The following HIVEP3 variants were observed in gnomAD, a reference collection of about 807,000 sequenced individuals.
HIVEP3 encodes the protein transcription factor HIVEP3.
HIVEP3 carries 49 observed loss-of-function variants against 152.8 expected under a neutral mutation model. The ratio of observed to expected loss-of-function variants is 0.32; its 90% CI spans 0.26 to 0.41. The LOEUF is 0.41. Among genes scored for constraint, HIVEP3 ranks in the 10% least tolerant of loss-of-function variants. HIVEP3 has a pLI of 1.00. For synonymous variants in HIVEP3, 1,269 were observed against 1,289.0 expected (o/e 0.98, Z 0.33); for missense variants, 2,790 against 3,103.3 (o/e 0.90, Z 2.40).
chr1:41,778,649 T>C (rs940819980), intron 1 of HIVEP3, among the ~76,000 whole-genome samples: 4 of 152,278 alleles, frequency 2.6e-5, no homozygotes, highest in Non-Finnish European at 5.9e-5. Context: ...ATAATGTTTA[T>C]TGGGCAGGAC....
At chr1:41,815,388 C>A (rs1352868516) in intron 1 of HIVEP3, among the ~76,000 whole-genome samples, 1 of 152,166 alleles carries the variant, frequency 6.6e-6, no homozygotes, top group African/African-American at 2.4e-5. Flanking sequence ...AAGAGGATGG[C>A]TTGAGCCAGG....
intron 1 of HIVEP3, among the ~76,000 whole-genome samples, chr1:41,953,126 T>C (rs543617747): frequency 1.2e-4 from 19 of 152,326 alleles, no homozygotes; most frequent in Middle Eastern, 3.4e-3. Context: ...TCCCTAGGCC[T>C]GCAATGATCT....
At position 41,607,368 on chromosome 1, in the gene HIVEP3, G is replaced by A. The variant is rs557091648; in HGVS notation, c.-522+21381C>T. 2.6e-5 allele frequency among the ~76,000 whole-genome samples: 4 copies of A among 152,254 alleles called. No individual in the cohort carries two copies. The South Asian group carries it at 8.3e-4, about 32-fold the overall frequency. ...TCATGCATATCCATTGTGTTATTCAGTTTTTCCACTGAAGTTTTTTCCATA... is the reference window on the plus strand; with the variant it reads ...TCATGCATATCCATTGTGTTATTCAATTTTTCCACTGAAGTTTTTTCCATA... On this transcript the variant is annotated intron_variant, in intron 3 of 8. Coordinates refer to ENST00000372583, the MANE Select transcript of HIVEP3 (RefSeq NM_024503.5).
chr1:41,963,005 G>T (rs1423964509), intron 1 of HIVEP3, among the ~76,000 whole-genome samples: 2 of 150,838 alleles, frequency 1.3e-5, no homozygotes, highest in Admixed American at 6.6e-5. Context: ...ACCAAAAGTT[G>T]TTTTTTTTTG....
At chr1:41,573,226 G>C (rs923342896) in intron 5 of HIVEP3, among the ~76,000 whole-genome samples, 3 of 152,234 alleles carry the variant, frequency 2.0e-5, no homozygotes, top group African/African-American at 4.8e-5. Context: ...GTGATTCTGG[G>C]TGTGGGCACT....
intron 2 of HIVEP3, among the ~76,000 whole-genome samples, chr1:41,699,786 C>T (rs12732252): frequency 3.3e-5 from 5 of 152,206 alleles, no homozygotes; most frequent in Non-Finnish European, 5.9e-5. Context: ...CCTCTCATCT[C>T]GGCCTCCCCA....
chr1:41,521,887 G>C (rs1254748500), intron 6 of HIVEP3, among the ~76,000 whole-genome samples: 7 of 152,242 alleles, frequency 4.6e-5, no homozygotes, highest in Admixed American at 3.9e-4. Context: ...CCATCCGCTG[G>C]CCTCTGGGAA....
At chr1:41,779,923 CAACT>C (rs1311276343) in intron 1 of HIVEP3, among the ~76,000 whole-genome samples, 1 of 152,222 alleles carries the variant, frequency 6.6e-6, no homozygotes, top group Non-Finnish European at 1.5e-5. Flanking sequence ...TGTTCTTGGG[CAACT>C]AACTTAGTCT....
At chr1:41,991,497 C>A (rs1341335466) in intron 1 of HIVEP3, among the ~76,000 whole-genome samples, 1 of 149,606 alleles carries the variant, frequency 6.7e-6, no homozygotes, top group African/African-American at 2.5e-5. Flanking sequence ...GAAATTGTGG[C>A]AATAATCAAT....
upstream of HIVEP3, among the ~76,000 whole-genome samples, chr1:41,922,308 A>G (rs1644945783): frequency 6.6e-6 from 1 of 152,244 alleles, no homozygotes; most frequent in Non-Finnish European, 1.5e-5. Flanking sequence ...ACACTATGCT[A>G]AAAGACACTG....
chr1:41,646,620 G>A (rs1171793012), intron 2 of HIVEP3, among the ~76,000 whole-genome samples: 1 of 152,172 alleles, frequency 6.6e-6, no homozygotes, highest in Non-Finnish European at 1.5e-5. Context: ...TGAGGGTGAG[G>A]CACAAGGCAA....
chr1:41,837,312 C>G (rs1411353626), intron 1 of HIVEP3, among the ~76,000 whole-genome samples: 1 of 152,074 alleles, frequency 6.6e-6, no homozygotes, highest in East Asian at 1.9e-4. Flanking sequence ...ACTTTTTGCT[C>G]TTTTTATTAT....
intron 2 of HIVEP3, among the ~76,000 whole-genome samples, chr1:41,677,578 G>A (rs923515791): frequency 4.6e-5 from 7 of 152,200 alleles, no homozygotes; most frequent in African/African-American, 9.6e-5. Context: ...ACTTTAATAC[G>A]TGTTAGTTGA....
intron 2 of HIVEP3, among the ~76,000 whole-genome samples, chr1:41,657,674 G>C (rs986681773): frequency 6.6e-6 from 1 of 152,212 alleles, no homozygotes; most frequent in Non-Finnish European, 1.5e-5. Flanking sequence ...CTGTCACCCT[G>C]TAGGTAAGTG....
intron 2 of HIVEP3, among the ~76,000 whole-genome samples, chr1:41,642,687 T>C (rs948686160): frequency 6.6e-6 from 1 of 152,184 alleles, no homozygotes; most frequent in African/African-American, 2.4e-5. Flanking sequence ...GCCTTGAACA[T>C]AATTGGTGAC....
chr1:41,832,370 T>A (rs969139698), intron 1 of HIVEP3, among the ~76,000 whole-genome samples: 1 of 151,600 alleles, frequency 6.6e-6, no homozygotes, highest in African/African-American at 2.4e-5. Context: ...TCTACAAAAA[T>A]TTTTTAAAAA....
At chr1:41,608,133 A>T (rs1026747710) in intron 3 of HIVEP3, among the ~76,000 whole-genome samples, 5 of 152,174 alleles carry the variant, frequency 3.3e-5, no homozygotes, top group African/African-American at 1.2e-4. Flanking sequence ...GCTTCCCGTG[A>T]GGTGTCTCGT....
rs557994822 is a variant in HIVEP3 at position 41,797,027 on chromosome 1, T to C, written c.-800-96032A>G. ...TTCCCTAGTGTGAGTGTGATGGCCA[T>C]GGCAAAAAAAGTCCCTGTCAAATGA... On this transcript the variant is annotated intron_variant, in intron 1 of 8. Transcript: ENST00000372583. Among the ~76,000 whole-genome samples, 4 of 152,288 alleles carry C rather than the reference T, an allele frequency of 2.6e-5. No individual in the cohort carries two copies. The East Asian group carries it at 5.8e-4, about 22-fold the overall frequency.
chr1:41,659,230 G>A (rs1403489186), intron 2 of HIVEP3, among the ~76,000 whole-genome samples: 2 of 152,178 alleles, frequency 1.3e-5, no homozygotes, highest in Admixed American at 6.5e-5. Context: ...TTGCAAGGCT[G>A]TCACTTCTTT....
Sources: allele counts gnomAD v4.1 joint callset (sites outside exome capture counted in the v4.1 genomes callset), GRCh38; gene constraint gnomAD v4.1.1; transcripts MANE v1.5; gene names NCBI Gene and HGNC (gene_info 2026-07-23, HGNC 2026-07-21).